TRIM67: variants seen among roughly 807,000 people sequenced by gnomAD.
TRIM67 encodes tripartite motif containing 67.
TRIM67 carries 39 observed loss-of-function variants against 71.0 expected under a neutral mutation model. The observed-to-expected ratio is 0.55, with a 90% CI of 0.43 to 0.72. The LOEUF (loss-of-function observed/expected upper bound fraction) is 0.72, where lower values mean the gene tolerates loss of function less well. Among genes scored for constraint, TRIM67 ranks in the 30% least tolerant of loss-of-function variants. The pLI is 0.00. For synonymous variants in TRIM67, 481 were observed against 473.9 expected (o/e 1.01, Z -0.19); for missense variants, 973 against 1,079.2 (o/e 0.90, Z 1.38).
intron 6 of TRIM67, among the ~76,000 whole-genome samples, chr1:231,204,853 T>G (rs904113128): frequency 6.6e-6 from 1 of 152,178 alleles, no homozygotes; most frequent in African/African-American, 2.4e-5. Context: ...GAGATGTACA[T>G]ATGTGTCGTT....
At chr1:231,187,274 G>T (rs549013608) in intron 1 of TRIM67, among the ~76,000 whole-genome samples, 2 of 152,236 alleles carry the variant, frequency 1.3e-5, no homozygotes, top group African/African-American at 4.8e-5. Flanking sequence ...AGGATTTCGG[G>T]ATAAAAGGAG....
At chr1:231,169,028 C>A (rs1359630331) in intron 1 of TRIM67, among the ~76,000 whole-genome samples, 2 of 152,084 alleles carry the variant, frequency 1.3e-5, no homozygotes, top group African/African-American at 4.8e-5. Flanking sequence ...TATGCTCATT[C>A]TCATTCTGAG....
In TRIM67 at chr1:231,213,984, A is replaced by G; in HGVS notation, c.2286+7A>G. 1.2e-6 allele frequency: 2 copies of G among 1,603,584 alleles called. No individual in the cohort carries two copies. The highest frequency in any genetic ancestry group is 1.7e-6 in the Non-Finnish European group (2 of 1,174,266). ...CCTCAACCGCAACGTGCAGGTACAC[A>G]CCTCCCCAGGGCCGGACCTGGTCTG... On this transcript the variant is annotated splice_region_variant and intron_variant, in intron 9 of 9. Coordinates refer to ENST00000366653, the MANE Select transcript of TRIM67 (RefSeq NM_001004342.5).
intron 1 of TRIM67, among the ~76,000 whole-genome samples, chr1:231,186,507 G>T (rs1286838187): frequency 6.6e-6 from 1 of 152,150 alleles, no homozygotes; most frequent in Non-Finnish European, 1.5e-5. Flanking sequence ...CTCTGGGAAG[G>T]ACCTGCTCCG....
Position 231,218,792 on chromosome 1 carries a change from G to A in TRIM67, c.*3352G>A. 1.0e-6 allele frequency: 1 copy of A among 985,448 alleles called. No individual in the cohort carries two copies. The highest frequency in any genetic ancestry group is 4.7e-5 in the South Asian group (1 of 21,292). The allele number at this position is 985,448 out of a possible 1,614,324, so 61.0% of individuals were successfully genotyped here. A position where few individuals can be genotyped will look rare whatever the true frequency, so the allele number is the denominator to read the frequency against. On this transcript the variant is annotated 3_prime_UTR_variant, in exon 10 of 10. Transcript: ENST00000366653. ...AGTTTGAGGAGGGTGGTGCTTTCCG[G>A]ATTGAGCCTGGGCAGGCTCTGTGGA... is the stretch of plus-strand genomic sequence containing the variant.
At position 231,215,660 on chromosome 1, in the gene TRIM67, G is replaced by A. The variant is rs770693884; in HGVS notation, c.*220G>A. Reference sequence around the variant, plus strand: ...CACTGTCAGTGGCAAAGGAAGGTACGTGTGTCACCCTTATTCCACCCAGAC... The same window carrying A: ...CACTGTCAGTGGCAAAGGAAGGTACATGTGTCACCCTTATTCCACCCAGAC... On this transcript the variant is annotated 3_prime_UTR_variant, in exon 10 of 10. Transcript: ENST00000366653. 3.3e-5 allele frequency: 44 copies of A among 1,324,378 alleles called. No homozygotes were observed. In the East Asian group the frequency reaches 3.7e-4, roughly 11 times the overall value. 82.0% of individuals were successfully genotyped at this position (1,324,378 alleles called of 1,614,324 possible). A position where few individuals can be genotyped will look rare whatever the true frequency, so the allele number is the denominator to read the frequency against.
rs376146607 is a variant in TRIM67 at position 231,162,343 on chromosome 1, C to T, written c.-627C>T. On this transcript the variant is annotated 5_prime_UTR_variant, in exon 1 of 10. Transcript: ENST00000366653. ...TCGGGTCCCGCCGAGGTGGCCGCGG[C>T]CCCAGCGACCCGGCGGGTGGCGGCC... 3 of 152,134 alleles carry T rather than the reference C, an allele frequency of 2.0e-5. No individual in the cohort carries two copies. The highest frequency in any genetic ancestry group is 7.2e-5 in the African/African-American group (3 of 41,446). The allele number at this position is 152,134 out of a possible 1,614,324, so 9.4% of individuals were successfully genotyped here. A position where few individuals can be genotyped will look rare whatever the true frequency, so the allele number is the denominator to read the frequency against.
chr1:231,181,504 T>TAAG (rs1682906985), intron 1 of TRIM67, among the ~76,000 whole-genome samples: 2 of 152,234 alleles, frequency 1.3e-5, no homozygotes, highest in African/African-American at 4.8e-5. Context: ...GCTTAAGCTG[T>TAAG]CTGATACAAC....
At chr1:231,213,629 G>A (rs1301406788) in intron 8 of TRIM67, among the ~76,000 whole-genome samples, 186 bp from the exon 9 acceptor site, 1 of 152,170 alleles carries the variant, frequency 6.6e-6, no homozygotes, top group African/African-American at 2.4e-5. Context: ...TACTCGGGAG[G>A]CTGAGGTGGG....
intron 1 of TRIM67, among the ~76,000 whole-genome samples, chr1:231,181,455 C>T (rs1682904886): frequency 6.6e-6 from 1 of 152,194 alleles, no homozygotes; most frequent in Non-Finnish European, 1.5e-5. Flanking sequence ...TTGGAAGCTT[C>T]CAAGTTGGGG....
rs144754674 is a variant in TRIM67 at position 231,199,531 on chromosome 1, C to G, written c.1263+362C>G. Among the ~76,000 whole-genome samples the G allele has an allele frequency of 3.9e-5, 6 of 152,290 alleles. No homozygotes were observed. In the East Asian group the frequency reaches 1.2e-3, roughly 29 times the overall value. On this transcript the variant is annotated intron_variant, in intron 3 of 9. Coordinates refer to ENST00000366653, the MANE Select transcript of TRIM67 (RefSeq NM_001004342.5). ...CTCTGTCCCCTTCTTCAGGTTCTCT[C>G]TGATATTTCATGTACTCAACAGTCA...
intron 1 of TRIM67, among the ~76,000 whole-genome samples, chr1:231,193,648 T>C (rs900320092): frequency 2.6e-5 from 4 of 151,874 alleles, no homozygotes; most frequent in Non-Finnish European, 4.4e-5. Flanking sequence ...AGAAAGGTGG[T>C]TTATGGGGCT....
chr1:231,176,030 G>A (rs1002469693), intron 1 of TRIM67, among the ~76,000 whole-genome samples: 3 of 152,184 alleles, frequency 2.0e-5, no homozygotes, highest in Non-Finnish European at 2.9e-5. Context: ...GTGGGACCCA[G>A]CTAAAGTTTC....
Position 231,220,116 on chromosome 1 carries a change from T to C in TRIM67, c.*4676T>C, listed in dbSNP as rs1684104871. 1 of 490,132 alleles carries C rather than the reference T, an allele frequency of 2.0e-6. No homozygotes were observed. Among genetic ancestry groups the C allele is most frequent in the African/African-American group, 2.0e-5 (1 of 49,714 alleles). The allele number at this position is 490,132 out of a possible 1,614,324, so 30.4% of individuals were successfully genotyped here. ...TTTTAAAGAAAAAAAGTGCAGTCTTTCATCTCTGGCATCTAAGCTAATGAT... is the reference window on the plus strand; with the variant it reads ...TTTTAAAGAAAAAAAGTGCAGTCTTCCATCTCTGGCATCTAAGCTAATGAT... On this transcript the variant is annotated 3_prime_UTR_variant, in exon 10 of 10. Transcript: ENST00000366653.
At chr1:231,197,519 T>A in intron 2 of TRIM67, 53 bp downstream of exon 2, 1 of 1,536,394 alleles carries the variant, frequency 6.5e-7, no homozygotes, top group Non-Finnish European at 9.0e-7. Context: ...AGTTTGCACG[T>A]TGTGCATCGT....
chr1:231,202,627 C>A (rs1268957558), intron 5 of TRIM67, among the ~76,000 whole-genome samples: 1 of 152,170 alleles, frequency 6.6e-6, no homozygotes, highest in African/African-American at 2.4e-5. Flanking sequence ...GAGGGCCACA[C>A]TTGCAGAATC....
At chr1:231,198,678 G>A (rs973596490) in intron 2 of TRIM67, among the ~76,000 whole-genome samples, 4 of 152,172 alleles carry the variant, frequency 2.6e-5, no homozygotes, top group African/African-American at 7.2e-5. Flanking sequence ...GAGCTGCCGC[G>A]CCGGGCCTGT....
At position 231,186,295 on chromosome 1, in the gene TRIM67, CAAA is replaced by C. The variant is rs1683073741; in HGVS notation, c.1045-11075_1045-11073del. 4 of 804,858 alleles carry C rather than the reference CAAA, an allele frequency of 5.0e-6. No individual in the cohort carries two copies. In the Admixed American group the frequency reaches 9.2e-5, roughly 18 times the overall value. The allele number at this position is 804,858 out of a possible 1,614,324, so 49.9% of individuals were successfully genotyped here. A position where few individuals can be genotyped will look rare whatever the true frequency, so the allele number is the denominator to read the frequency against. On this transcript the variant is annotated intron_variant, in intron 1 of 9. Transcript: ENST00000366653. ...GAGCACATCTCTAGTTGGAACAGGA[CAAA>C]TCGGGCCTGACCTGGATTCCTGGTT... is the stretch of plus-strand genomic sequence containing the variant.
At chr1:231,190,977 C>T (rs937598892) in intron 1 of TRIM67, among the ~76,000 whole-genome samples, 1 of 152,210 alleles carries the variant, frequency 6.6e-6, no homozygotes, top group Admixed American at 6.5e-5. Flanking sequence ...CCTGTTGCTG[C>T]ATCTGCCTCA....
Sources: allele counts gnomAD v4.1 joint callset (sites outside exome capture counted in the v4.1 genomes callset), GRCh38; gene constraint gnomAD v4.1.1; transcripts MANE v1.5; gene names NCBI Gene and HGNC (gene_info 2026-07-23, HGNC 2026-07-21).